Variants in FGF14 observed in about 807,000 individuals in gnomAD.
FGF14 encodes fibroblast growth factor 14.
FGF14 carries 5 observed loss-of-function variants against 25.5 expected under a neutral mutation model. The observed-to-expected ratio is 0.20, with a 90% confidence interval of 0.10 to 0.41. FGF14 has a LOEUF of 0.41. Among genes scored for constraint, FGF14 ranks in the 10% least tolerant of loss-of-function variants. The probability of loss-of-function intolerance (pLI) is 1.00; values close to 1 mark genes in which losing one functional copy is unlikely to be tolerated. For missense variants in FGF14, 222 were observed against 320.1 expected, an observed-to-expected ratio of 0.69 and a Z score of 2.34; for synonymous variants, 138 against 118.3, an observed-to-expected ratio of 1.17 and a Z score of -1.08.
chr13:102,358,150 T>C (rs2139020711), intron 1 of FGF14, among the ~76,000 whole-genome samples: 1 of 152,340 alleles, frequency 6.6e-6, no homozygotes, highest in South Asian at 2.1e-4. Context: ...GAACATAATT[T>C]TTTAAACCCT....
chr13:102,230,381 G>T (rs2051025541), intron 1 of FGF14, among the ~76,000 whole-genome samples: 1 of 152,164 alleles, frequency 6.6e-6, no homozygotes, highest in South Asian at 2.1e-4. Context: ...TGTCCTTAAG[G>T]AGCTCCCTGT....
At chr13:101,928,651 A>G (rs1392507106) in intron 1 of FGF14, among the ~76,000 whole-genome samples, 1 of 152,120 alleles carries the variant, frequency 6.6e-6, no homozygotes, top group African/African-American at 2.4e-5. Context: ...ACTGATCAAC[A>G]CACTGAGGCC....
At chr13:102,249,299 A>T (rs2052042678) in intron 1 of FGF14, among the ~76,000 whole-genome samples, 1 of 152,222 alleles carries the variant, frequency 6.6e-6, no homozygotes, top group African/African-American at 2.4e-5. Context: ...CAGAACTTGG[A>T]TAGCAAAATG....
intron 1 of FGF14, among the ~76,000 whole-genome samples, chr13:102,191,891 C>T (rs2049138361): frequency 6.6e-6 from 1 of 152,118 alleles, no homozygotes; most frequent in South Asian, 2.1e-4. Context: ...ATTCCCATTC[C>T]AAAAGGAAAA....
intron 1 of FGF14, among the ~76,000 whole-genome samples, chr13:102,006,784 T>C (rs953376918): frequency 1.8e-4 from 21 of 119,774 alleles, no homozygotes; most frequent in African/African-American, 6.1e-4. Context: ...GTCGCCCAGG[T>C]CGGACTGCGG....
intron 1 of FGF14, among the ~76,000 whole-genome samples, chr13:101,894,902 G>GA (rs977869811): frequency 1.3e-5 from 2 of 151,356 alleles, no homozygotes; most frequent in African/African-American, 2.4e-5. Flanking sequence ...CATGGAAAAA[G>GA]AAAAAAAATA....
intron 1 of FGF14, among the ~76,000 whole-genome samples, chr13:102,368,745 C>T (rs928715353): frequency 3.3e-5 from 5 of 152,098 alleles, no homozygotes; most frequent in African/African-American, 1.2e-4. Context: ...AAAGAAAATG[C>T]AATTCCCCTT....
chr13:102,277,830 T>G (rs2053621707), intron 1 of FGF14, among the ~76,000 whole-genome samples: 1 of 152,240 alleles, frequency 6.6e-6, no homozygotes, highest in African/African-American at 2.4e-5. Flanking sequence ...CTTAGCCTAC[T>G]TTTGTAACTG....
chr13:102,119,319 C>T (rs187827730), intron 1 of FGF14, among the ~76,000 whole-genome samples: 1 of 152,232 alleles, frequency 6.6e-6, no homozygotes, highest in African/African-American at 2.4e-5. Context: ...CTGAGTCTTC[C>T]AAACAGACTA....
chr13:102,126,369 G>T (rs2045949606), intron 1 of FGF14, among the ~76,000 whole-genome samples: 1 of 152,082 alleles, frequency 6.6e-6, no homozygotes, highest in Non-Finnish European at 1.5e-5. Flanking sequence ...TGTTTTCAAG[G>T]TTCATTCATG....
chr13:102,280,755 A>G (rs2141211392), intron 1 of FGF14, among the ~76,000 whole-genome samples: 1 of 151,780 alleles, frequency 6.6e-6, no homozygotes, highest in African/African-American at 2.4e-5. Flanking sequence ...CTAAGATTTA[A>G]CAAACAAACA....
At chr13:102,328,820 C>A (rs956108716) in intron 1 of FGF14, among the ~76,000 whole-genome samples, 1 of 152,106 alleles carries the variant, frequency 6.6e-6, no homozygotes, top group African/African-American at 2.4e-5. Flanking sequence ...TAAGAGTATT[C>A]CAGATATTCT....
At chr13:101,761,991 C>T (rs936356949) in intron 3 of FGF14, among the ~76,000 whole-genome samples, 4 of 152,138 alleles carry the variant, frequency 2.6e-5, no homozygotes, top group African/African-American at 9.7e-5. Flanking sequence ...TTTGATTCTG[C>T]TGATTTTGAT....
At chr13:102,208,159 A>G (rs1181283661) in intron 1 of FGF14, among the ~76,000 whole-genome samples, 1 of 152,204 alleles carries the variant, frequency 6.6e-6, no homozygotes, top group Non-Finnish European at 1.5e-5. Flanking sequence ...ACGGTGAGAG[A>G]TTCGCAAGGG....
intron 1 of FGF14, among the ~76,000 whole-genome samples, chr13:102,239,841 C>T (rs139527550): frequency 2.0e-3 from 306 of 152,232 alleles, no homozygotes; most frequent in African/African-American, 7.0e-3. Context: ...CCAGAATGTC[C>T]TTTTTTAAAC....
At chr13:101,949,341 G>A (rs2036012166) in intron 1 of FGF14, among the ~76,000 whole-genome samples, 1 of 152,056 alleles carries the variant, frequency 6.6e-6, no homozygotes, top group African/African-American at 2.4e-5. Flanking sequence ...ACACAGTTCT[G>A]ATGACTACTG....
chr13:102,352,052 C>G (rs777940230), intron 1 of FGF14, among the ~76,000 whole-genome samples: 1 of 152,078 alleles, frequency 6.6e-6, no homozygotes, highest in East Asian at 1.9e-4. Context: ...GTTCTGCAAC[C>G]TAACTACAAG....
At chr13:101,817,847 G>A (rs1015555107) in intron 3 of FGF14, among the ~76,000 whole-genome samples, 2 of 152,146 alleles carry the variant, frequency 1.3e-5, no homozygotes, top group African/African-American at 4.8e-5. Flanking sequence ...CTACCCTTTT[G>A]TCTCATAGAG....
intron 1 of FGF14, among the ~76,000 whole-genome samples, chr13:102,335,071 A>G (rs2056753115): frequency 6.6e-6 from 1 of 152,090 alleles, no homozygotes; most frequent in Non-Finnish European, 1.5e-5. Context: ...GCATATCCAT[A>G]TTCCTTCAGG....
Sources: gnomAD v4.1 joint callset for allele counts (sites outside exome capture counted in the v4.1 genomes callset) on GRCh38, gnomAD v4.1.1 for gene constraint, MANE v1.5 for transcripts, NCBI Gene and HGNC (gene_info 2026-07-23, HGNC 2026-07-21) for gene names.